Variants in CRHR1 observed in about 807,000 individuals in gnomAD.
CRHR1 encodes the protein corticotropin releasing hormone receptor 1.
In CRHR1, 28 loss-of-function variants were observed where a neutral mutation model predicts 56.0. That is an observed-to-expected ratio of 0.50 (90% confidence interval 0.37 to 0.69). The LOEUF is 0.69. CRHR1 is among the 30% of genes least tolerant of loss of function. The pLI, the probability that CRHR1 is intolerant of heterozygous loss-of-function variation, is 0.00. For missense variants in CRHR1, 376 were observed against 548.0 expected, an observed-to-expected ratio of 0.69 and a Z score of 3.13; for synonymous variants, 195 against 216.5, an observed-to-expected ratio of 0.90 and a Z score of 0.87.
intron 1 of CRHR1, among the ~76,000 whole-genome samples, chr17:45,804,592 G>GA (rs1483217517): frequency 6.6e-6 from 1 of 152,042 alleles, no homozygotes; most frequent in Non-Finnish European, 1.5e-5. Flanking sequence ...AGGTGAACAT[G>GA]GAAAAGGCAG....
chr17:45,817,238 C>T (rs1458321065), intron 3 of CRHR1, among the ~76,000 whole-genome samples: 1 of 152,222 alleles, frequency 6.6e-6, no homozygotes, highest in African/African-American at 2.4e-5. Context: ...CCGCCTGCCA[C>T]TCTCAGAATT....
intron 1 of CRHR1, among the ~76,000 whole-genome samples, chr17:45,789,852 C>T (rs1013031444): frequency 2.0e-5 from 3 of 152,192 alleles, no homozygotes; most frequent in African/African-American, 7.2e-5. Context: ...CTTCATCTGT[C>T]TAAAGCGGGG....
Position 45,834,951 on chromosome 17 carries a change from G to A in CRHR1, c.*187G>A. ...CCGTGCAGGACTCTAGCTCATGAGT[G>A]GAAAGTCACCTACAGGACTGGGCCG... is the stretch of plus-strand genomic sequence containing the variant. On this transcript the variant is annotated 3_prime_UTR_variant, in exon 13 of 13. Coordinates refer to ENST00000314537, the MANE Select transcript of CRHR1 (RefSeq NM_004382.5). 2 of 768,952 alleles carry A rather than the reference G, an allele frequency of 2.6e-6. No individual in the cohort carries two copies. The highest frequency in any genetic ancestry group is 1.9e-5 in the South Asian group (1 of 52,334). 47.6% of individuals were successfully genotyped at this position (768,952 alleles called of 1,614,324 possible). A position where few individuals can be genotyped will look rare whatever the true frequency, so the allele number is the denominator to read the frequency against.
chr17:45,816,516 C>T lies in CRHR1; in HGVS notation c.175C>T (p.Pro59Ser), dbSNP rs771142847. 6.2e-7 allele frequency: 1 copy of T among 1,614,108 alleles called. No individual in the cohort carries two copies. Among genetic ancestry groups the T allele is most frequent in the East Asian group, 2.2e-5 (1 of 44,864 alleles). Reference sequence around the variant, plus strand: ...CATTGGCACCTGCTGGCCCCGCAGCCCTGCGGGGCAGCTAGTGGTTCGGCC... The same window carrying T: ...CATTGGCACCTGCTGGCCCCGCAGCTCTGCGGGGCAGCTAGTGGTTCGGCC... Reference protein sequence around the residue: ...DLIGTCWPRSPAGQLVVRPCP... With the variant: ...DLIGTCWPRSSAGQLVVRPCP... Residue 59 changes from proline (P) to serine (S), a missense_variant, in exon 3 of 13, where the codon CCT becomes TCT. This residue lies in a region of CRHR1 where 369 missense variants were observed against 519.5 expected (regional missense o/e 0.71). Coordinates refer to ENST00000314537, the MANE Select transcript of CRHR1 (RefSeq NM_004382.5).
At chr17:45,797,244 C>T (rs2061534207) in intron 1 of CRHR1, among the ~76,000 whole-genome samples, 1 of 150,392 alleles carries the variant, frequency 6.6e-6, no homozygotes, top group Non-Finnish European at 1.5e-5. Context: ...GTGCGGCCTG[C>T]GCACCTAGTC....
At chr17:45,817,242 C>T (rs1185365788) in intron 3 of CRHR1, among the ~76,000 whole-genome samples, 1 of 152,236 alleles carries the variant, frequency 6.6e-6, no homozygotes, top group Non-Finnish European at 1.5e-5. Flanking sequence ...CTGCCACTCT[C>T]AGAATTAATT....
At chr17:45,798,305 C>T (rs1328035267) in intron 1 of CRHR1, among the ~76,000 whole-genome samples, 2 of 152,090 alleles carry the variant, frequency 1.3e-5, no homozygotes, top group Non-Finnish European at 2.9e-5. Context: ...GTAGGTGGAT[C>T]ATCTGAGGTC....
In CRHR1 at chr17:45,833,783, T is replaced by C. The variant is rs1316398835; in HGVS notation, c.999T>C (p.Asn333=). ...TCACCTACATGCTGTTCTTCGTCAA[T>C]CCCGGGGAGGATGAGGTCTCCCGGG... is the stretch of plus-strand genomic sequence containing the variant. ...LGITYMLFFV[N]PGEDEVSRVV... The change falls in exon 11 of 13, where the codon AAT becomes AAC. Residue 333 remains asparagine, a synonymous_variant. Transcript: ENST00000314537. The C allele has an allele frequency of 6.3e-7, 1 of 1,588,138 alleles. No individual in the cohort carries two copies. The highest frequency in any genetic ancestry group is 2.3e-5 in the East Asian group (1 of 42,842).
chr17:45,811,232 G>A (rs143994676), intron 2 of CRHR1, among the ~76,000 whole-genome samples: 1 of 152,246 alleles, frequency 6.6e-6, no homozygotes, highest in Non-Finnish European at 1.5e-5. Flanking sequence ...GCCAGTGCCT[G>A]ATTGTGCACA....
rs772605601 is a variant in CRHR1 at position 45,823,001 on chromosome 17, G to A, written c.327+1561G>A. Among the ~76,000 whole-genome samples the A allele has an allele frequency of 8.6e-5, 13 of 151,136 alleles. No homozygotes were observed. The South Asian group carries it at 1.3e-3, about 15-fold the overall frequency. ...TCTGCTAAAAATACAAAAATTAGCC[G>A]AGCATGGTGGCGCATCCCTGTAATC... On this transcript the variant is annotated intron_variant, in intron 4 of 12. Coordinates refer to ENST00000314537, the MANE Select transcript of CRHR1 (RefSeq NM_004382.5).
intron 8 of CRHR1, among the ~76,000 whole-genome samples, chr17:45,831,467 T>A (rs531696601): frequency 5.9e-5 from 9 of 152,320 alleles, no homozygotes; most frequent in African/African-American, 1.9e-4. Flanking sequence ...AGCTCTGAAG[T>A]TCTTTGGTTC....
chr17:45,800,861 A>G (rs1257051373), intron 1 of CRHR1: 1 of 152,162 alleles, frequency 6.6e-6, no homozygotes, highest in Non-Finnish European at 1.5e-5. Context: ...CAGGCCTGAG[A>G]TGCCTCAGCT....
chr17:45,828,335 G>A (rs1323819381), intron 4 of CRHR1, among the ~76,000 whole-genome samples: 1 of 152,236 alleles, frequency 6.6e-6, no homozygotes, highest in Admixed American at 6.5e-5. Context: ...GCGACCTCCA[G>A]CGCGTCAGCA....
At chr17:45,817,992 C>T (rs1051005918) in intron 3 of CRHR1, among the ~76,000 whole-genome samples, 1 of 152,192 alleles carries the variant, frequency 6.6e-6, no homozygotes. Context: ...GGTCACAGCC[C>T]AGGGACGATA....
At chr17:45,785,635 G>C (rs746949827) in intron 1 of CRHR1, among the ~76,000 whole-genome samples, 1 of 152,192 alleles carries the variant, frequency 6.6e-6, no homozygotes, top group African/African-American at 2.4e-5. Flanking sequence ...AAGAGACTTC[G>C]GTGGATTTGG....
At chr17:45,815,114 T>C (rs2061900548) in intron 2 of CRHR1, among the ~76,000 whole-genome samples, 1 of 152,250 alleles carries the variant, frequency 6.6e-6, no homozygotes. Flanking sequence ...GCTTGGCAGC[T>C]GCTAAGGCCT....
chr17:45,793,436 C>T lies in CRHR1; in HGVS notation c.33+8859C>T, dbSNP rs147314112. Among the ~76,000 whole-genome samples the T allele has an allele frequency of 1.9e-4, 29 of 152,232 alleles. No homozygotes were observed. The East Asian group carries it at 3.9e-3, about 20-fold the overall frequency. ...AGCCTCCAAATGGGGACTGGGGAGG[C>T]GGCCTAGGTGGCATCCTGGGGTTCC... is the stretch of plus-strand genomic sequence containing the variant. On this transcript the variant is annotated intron_variant, in intron 1 of 12. Coordinates refer to ENST00000314537, the MANE Select transcript of CRHR1 (RefSeq NM_004382.5).
intron 2 of CRHR1, among the ~76,000 whole-genome samples, chr17:45,812,639 G>C (rs1348228777): frequency 1.3e-5 from 2 of 152,154 alleles, no homozygotes; most frequent in East Asian, 3.8e-4. Flanking sequence ...CCCCTTCCCA[G>C]CTAGGGGATG....
intron 1 of CRHR1, among the ~76,000 whole-genome samples, chr17:45,796,168 C>T (rs1307117303): frequency 6.6e-6 from 1 of 152,206 alleles, no homozygotes; most frequent in Non-Finnish European, 1.5e-5. Context: ...GATAGTGTCA[C>T]CTGCGTAGCT....
Sources: gnomAD v4.1 joint callset for allele counts (sites outside exome capture counted in the v4.1 genomes callset) on GRCh38, gnomAD v4.1.1 for gene constraint, gnomAD v4.1.1 regional missense constraint, MANE v1.5 for transcripts, NCBI Gene and HGNC (gene_info 2026-07-23, HGNC 2026-07-21) for gene names.